Variants in CRYBG1 observed in about 807,000 individuals in gnomAD.
The protein encoded by CRYBG1 is beta/gamma crystallin domain-containing protein 1.
CRYBG1 carries 139 observed loss-of-function variants against 189.2 expected under a neutral mutation model. The ratio of observed to expected loss-of-function variants is 0.73; its 90% CI spans 0.64 to 0.85. CRYBG1 has a LOEUF of 0.85. Ranked by LOEUF, CRYBG1 falls within the 40% of genes least tolerant of loss-of-function variation. The pLI is 0.00. For synonymous variants in CRYBG1, 1,023 were observed against 1,017.1 expected, an observed-to-expected ratio of 1.01 and a Z score of -0.11; for missense variants, 2,611 against 2,675.8, an observed-to-expected ratio of 0.98 and a Z score of 0.53.
chr6:106,547,484 A>G (rs531689141), intron 13 of CRYBG1, among the ~76,000 whole-genome samples: 38 of 152,282 alleles, frequency 2.5e-4, no homozygotes, highest in African/African-American at 8.7e-4. Context: ...TTTGTGGAGG[A>G]GGTGGCATTG....
intron 2 of CRYBG1, among the ~76,000 whole-genome samples, chr6:106,465,422 T>G (rs1484229733): frequency 2.0e-5 from 3 of 152,324 alleles, no homozygotes; most frequent in East Asian, 1.9e-4. Context: ...GATTAGATAG[T>G]GCTCTGTGGA....
intron 2 of CRYBG1, chr6:106,455,058 C>T (rs1771857008): frequency 2.0e-5 from 3 of 152,066 alleles, no homozygotes; most frequent in Non-Finnish European, 4.4e-5. Context: ...TAGAATATTG[C>T]TAGAATTTAA....
intron 2 of CRYBG1, among the ~76,000 whole-genome samples, chr6:106,458,360 C>T (rs1479307987): frequency 6.6e-6 from 1 of 152,178 alleles, no homozygotes; most frequent in Non-Finnish European, 1.5e-5. Flanking sequence ...CAGTCTTCTA[C>T]TCGTCCTTTA....
intron 1 of CRYBG1, among the ~76,000 whole-genome samples, chr6:106,391,758 A>T (rs1372972812): frequency 1.3e-5 from 2 of 152,148 alleles, no homozygotes; most frequent in African/African-American, 4.8e-5. Context: ...ATACACAATG[A>T]CTTTGGTGCC....
intron 1 of CRYBG1, among the ~76,000 whole-genome samples, chr6:106,407,727 A>G (rs1000185209): frequency 2.6e-5 from 4 of 152,200 alleles, no homozygotes; most frequent in Admixed American, 6.5e-5. Context: ...ACTCACTCTA[A>G]AAAACACAAC....
Position 106,544,657 on chromosome 6 carries a change from G to T in CRYBG1, c.5126G>T (p.Gly1709Val), listed in dbSNP as rs1249984483. Residue 1709 changes from glycine to valine, a missense_variant, in exon 12 of 22, where the codon GGT (glycine) becomes GTT (valine). Physicochemically the swap from Gly to Val is moderately radical, Grantham distance 109 (BLOSUM62 -3). Around this residue, in one of 3 missense-constraint regions of CRYBG1, gnomAD observed 1,622 missense variants for 1,735.0 expected, o/e 0.93. Coordinates refer to ENST00000633556, the MANE Select transcript of CRYBG1 (RefSeq NM_001371242.2). The part of the protein sequence containing the change: ...GEYRDWKAWG[G>V]YNGELQSLRP... ...TACAGGGACTGGAAAGCCTGGGGAGGTTACAATGGAGAGCTTCAGTCTTTA... is the reference window on the plus strand; with the variant it reads ...TACAGGGACTGGAAAGCCTGGGGAGTTTACAATGGAGAGCTTCAGTCTTTA... The T allele has an allele frequency of 3.1e-6, 5 of 1,614,084 alleles. No individual in the cohort carries two copies. The highest frequency in any genetic ancestry group is 4.2e-6 in the Non-Finnish European group (5 of 1,180,000).
At chr6:106,516,621 T>G (rs1213989502) in intron 3 of CRYBG1, among the ~76,000 whole-genome samples, 1 of 152,226 alleles carries the variant, frequency 6.6e-6, no homozygotes, top group Non-Finnish European at 1.5e-5. Flanking sequence ...ATTATCAAAG[T>G]GGCCTCTAAA....
At chr6:106,487,492 T>TA (rs765371271) in intron 2 of CRYBG1, among the ~76,000 whole-genome samples, 2 of 152,226 alleles carry the variant, frequency 1.3e-5, no homozygotes, top group Non-Finnish European at 2.9e-5. Flanking sequence ...TCTCAGTTTT[T>TA]GCTTGTCTGA....
chr6:106,543,712 A>G, intron 11 of CRYBG1, 115 bp downstream of exon 11: 3 of 1,187,462 alleles, frequency 2.5e-6, no homozygotes, highest in South Asian at 2.9e-5. Context: ...GTGAATTTTG[A>G]CAGTTATATC....
intron 18 of CRYBG1, 82 bp from the exon 19 acceptor site, chr6:106,560,721 G>T (rs545838055): frequency 1.3e-5 from 19 of 1,480,994 alleles, no homozygotes; most frequent in East Asian, 2.4e-5. Flanking sequence ...GTCTAGAAAT[G>T]GAAAGCATTC....
intron 1 of CRYBG1, among the ~76,000 whole-genome samples, chr6:106,436,676 T>G (rs77341956): frequency 2.0e-5 from 3 of 151,778 alleles, no homozygotes; most frequent in Non-Finnish European, 2.9e-5. Context: ...TTCCATAATA[T>G]GGACATGCAA....
chr6:106,490,243 A>G (rs891907448), intron 2 of CRYBG1, among the ~76,000 whole-genome samples: 8 of 152,214 alleles, frequency 5.3e-5, no homozygotes, highest in African/African-American at 1.9e-4. Flanking sequence ...TTTCCCCTGC[A>G]TTTCCCCTTT....
At chr6:106,441,891 G>A (rs909749313) in intron 1 of CRYBG1, among the ~76,000 whole-genome samples, 4 of 152,028 alleles carry the variant, frequency 2.6e-5, no homozygotes, top group Non-Finnish European at 4.4e-5. Context: ...AAAAATATAA[G>A]GAAATCTCTC....
chr6:106,549,355 G>T (rs1389073992), intron 13 of CRYBG1, among the ~76,000 whole-genome samples: 8 of 152,198 alleles, frequency 5.3e-5, no homozygotes, highest in Admixed American at 5.2e-4. Context: ...TTTCACAAAG[G>T]TTAAGTGAGT....
At chr6:106,499,156 GTTT>G (rs1364849496) in intron 2 of CRYBG1, among the ~76,000 whole-genome samples, 1 of 121,076 alleles carries the variant, frequency 8.3e-6, no homozygotes, top group South Asian at 2.5e-4. Context: ...TTGTTTGTTT[GTTT>G]TTTGCTTTTT....
At chr6:106,460,804 C>G (rs1056153292) in intron 2 of CRYBG1, among the ~76,000 whole-genome samples, 9 of 152,052 alleles carry the variant, frequency 5.9e-5, no homozygotes, top group African/African-American at 2.2e-4. Flanking sequence ...GTTTTGTTTT[C>G]TTGAGACAGT....
intron 1 of CRYBG1, among the ~76,000 whole-genome samples, chr6:106,450,985 A>AG (rs1163737083): frequency 1.3e-5 from 2 of 152,214 alleles, no homozygotes; most frequent in African/African-American, 4.8e-5. Context: ...ACTGGACACC[A>AG]GGGTTAGAGC....
At position 106,521,164 on chromosome 6, in the gene CRYBG1, C is replaced by T; in HGVS notation, c.3956C>T (p.Thr1319Ile). ...GTCTTCAATTTCAACTCGTCAAGTA[C>T]ATCACACTCCAGTTTGAAAAGTCCA... ...LKVFNFNSSS[T>I]SHSSLKSPSH... The change falls in exon 4 of 22, where the codon ACA (threonine) becomes ATA (isoleucine). Residue 1319 changes from threonine to isoleucine, a missense_variant. Physicochemically the swap from Thr to Ile is moderately conservative, Grantham distance 89. Coordinates refer to ENST00000633556, the MANE Select transcript of CRYBG1 (RefSeq NM_001371242.2). The T allele has an allele frequency of 6.2e-7, 1 of 1,614,176 alleles. No individual in the cohort carries two copies. The highest frequency in any genetic ancestry group is 8.5e-7 in the Non-Finnish European group (1 of 1,180,028).
chr6:106,491,814 GT>G (rs1404385842), intron 2 of CRYBG1, among the ~76,000 whole-genome samples: 1 of 152,034 alleles, frequency 6.6e-6, no homozygotes, highest in African/African-American at 2.4e-5. Flanking sequence ...AACCTTAAAA[GT>G]TTTCATATTT....
Sources: allele counts gnomAD v4.1 joint callset (sites outside exome capture counted in the v4.1 genomes callset), GRCh38; gene constraint gnomAD v4.1.1; regional missense constraint gnomAD v4.1.1; transcripts MANE v1.5; gene names NCBI Gene and HGNC (gene_info 2026-07-23, HGNC 2026-07-21).